The following MAP7 variants were observed in gnomAD, a reference collection of about 807,000 sequenced individuals.
The protein encoded by MAP7 is microtubule associated protein 7.
MAP7 carries 52 observed loss-of-function variants against 94.8 expected under a neutral mutation model. The observed-to-expected ratio is 0.55, with a 90% CI of 0.44 to 0.69. MAP7 has a LOEUF of 0.69. MAP7 is among the 30% of genes least tolerant of loss of function. The pLI, the probability that MAP7 is intolerant of heterozygous loss-of-function variation, is 0.00. For missense variants in MAP7, 940 were observed against 964.6 expected, an observed-to-expected ratio of 0.97 and a Z score of 0.34; for synonymous variants, 350 against 357.0, an observed-to-expected ratio of 0.98 and a Z score of 0.22.
Position 136,343,456 on chromosome 6 carries a change from A to G in MAP7, c.*772T>C, listed in dbSNP as rs1309297828. 6.5e-6 allele frequency: 1 copy of G among 152,680 alleles called. No homozygotes were observed. Among genetic ancestry groups the G allele is most frequent in the Non-Finnish European group, 1.5e-5 (1 of 68,048 alleles). The allele number at this position is 152,680 out of a possible 1,614,324, so 9.5% of individuals were successfully genotyped here. ...TCATCAGTAACATTCTATCGTGGTA[A>G]CATCAGAAGGAATGCAGCTAACAAA... On this transcript the variant is annotated 3_prime_UTR_variant, in exon 18 of 18. Coordinates refer to ENST00000354570, the MANE Select transcript of MAP7 (RefSeq NM_003980.6).
intron 1 of MAP7, among the ~76,000 whole-genome samples, chr6:136,511,009 A>G (rs1158424390): frequency 6.6e-6 from 1 of 152,148 alleles, no homozygotes; most frequent in Non-Finnish European, 1.5e-5. Context: ...AAGTCCCAGC[A>G]TAAACCCACA....
intron 6 of MAP7, among the ~76,000 whole-genome samples, chr6:136,382,807 CCAAT>C (rs1277342882): frequency 2.6e-5 from 4 of 152,148 alleles, no homozygotes; most frequent in African/African-American, 9.6e-5. Context: ...TGAAACTTTC[CCAAT>C]CAGTTTCTTA....
At chr6:136,420,020 C>T in intron 2 of MAP7, 2 of 823,870 alleles carry the variant, frequency 2.4e-6, no homozygotes, top group Admixed American at 1.7e-5. Context: ...TTAGCCACCA[C>T]CACTTGATGC....
chr6:136,390,185 A>C (rs1324023468), intron 3 of MAP7, among the ~76,000 whole-genome samples: 3 of 152,204 alleles, frequency 2.0e-5, no homozygotes, highest in African/African-American at 4.8e-5. Flanking sequence ...TCCTCATTTT[A>C]GGAAAAGATA....
chr6:136,469,532 C>T (rs1562437311), intron 1 of MAP7, among the ~76,000 whole-genome samples: 1 of 152,116 alleles, frequency 6.6e-6, no homozygotes, highest in Admixed American at 6.5e-5. Context: ...CAGGGGCATG[C>T]CACCATGCCC....
chr6:136,524,148 G>A (rs1041325842), intron 1 of MAP7, among the ~76,000 whole-genome samples: 4 of 152,078 alleles, frequency 2.6e-5, no homozygotes, highest in Non-Finnish European at 5.9e-5. Context: ...GGAGGCTGAG[G>A]CAGGAGAATT....
intron 7 of MAP7, 140 bp from the exon 8 acceptor site, chr6:136,372,765 G>A (rs1035009694): frequency 1.9e-4 from 191 of 1,013,626 alleles, no homozygotes; most frequent in Non-Finnish European, 1.9e-4. Flanking sequence ...GTAGGAAGAA[G>A]ATGTTATTAC....
At chr6:136,377,695 G>A (rs980530028) in intron 7 of MAP7, 60 bp downstream of exon 7, 14 of 1,255,462 alleles carry the variant, frequency 1.1e-5, no homozygotes, top group African/African-American at 2.9e-5. Flanking sequence ...GTGATTAGAC[G>A]AATATGCTTC....
chr6:136,435,088 T>C (rs1796022153), intron 1 of MAP7, among the ~76,000 whole-genome samples: 1 of 152,220 alleles, frequency 6.6e-6, no homozygotes, highest in East Asian at 1.9e-4. Flanking sequence ...CTAAATACTT[T>C]TAGAATGCAT....
intron 3 of MAP7, among the ~76,000 whole-genome samples, chr6:136,391,807 AC>A (rs1244061745): frequency 6.6e-6 from 1 of 152,234 alleles, no homozygotes; most frequent in African/African-American, 2.4e-5. Flanking sequence ...AGATGCACTT[AC>A]TTTGCTCACG....
chr6:136,409,432 T>C (rs550794234), intron 3 of MAP7, among the ~76,000 whole-genome samples: 1 of 152,336 alleles, frequency 6.6e-6, no homozygotes, highest in African/African-American at 2.4e-5. Flanking sequence ...GTATATCATA[T>C]ATTGGCTCAC....
chr6:136,471,020 C>T (rs1235503427), intron 1 of MAP7, among the ~76,000 whole-genome samples: 1 of 152,124 alleles, frequency 6.6e-6, no homozygotes, highest in African/African-American at 2.4e-5. Context: ...GTTTATCTAA[C>T]ATAAATGCTG....
intron 16 of MAP7, among the ~76,000 whole-genome samples, chr6:136,355,146 C>T (rs1444533219): frequency 1.3e-5 from 2 of 151,882 alleles, no homozygotes; most frequent in African/African-American, 4.8e-5. Context: ...CTGCATCCAG[C>T]TTGGGCAACA....
intron 1 of MAP7, among the ~76,000 whole-genome samples, chr6:136,546,361 A>G (rs879782653): frequency 1.4e-5 from 1 of 72,392 alleles, no homozygotes; most frequent in Non-Finnish European, 2.7e-5. Flanking sequence ...GCCACCTCCC[A>G]CCCCCTACCC....
chr6:136,483,907 A>C (rs1813761121), intron 1 of MAP7, among the ~76,000 whole-genome samples: 2 of 152,210 alleles, frequency 1.3e-5, no homozygotes. Context: ...AGATGGAATA[A>C]ATTGTCAGAT....
intron 1 of MAP7, among the ~76,000 whole-genome samples, chr6:136,539,957 C>T (rs1009277816): frequency 6.6e-6 from 1 of 152,106 alleles, no homozygotes; most frequent in East Asian, 1.9e-4. Context: ...CCAGCTTGGG[C>T]GACAGAGCGA....
At chr6:136,452,939 T>C (rs1192147581) in intron 1 of MAP7, among the ~76,000 whole-genome samples, 2 of 152,214 alleles carry the variant, frequency 1.3e-5, no homozygotes, top group African/African-American at 2.4e-5. Flanking sequence ...ATAATTTTTA[T>C]ATGCACTGGG....
chr6:136,363,529 A>G (rs1793442757), intron 10 of MAP7, among the ~76,000 whole-genome samples: 1 of 152,258 alleles, frequency 6.6e-6, no homozygotes, highest in African/African-American at 2.4e-5. Flanking sequence ...TTCCATGGAA[A>G]CAAATACTGG....
intron 3 of MAP7, among the ~76,000 whole-genome samples, chr6:136,403,709 G>T (rs1784805440): frequency 6.6e-6 from 1 of 152,124 alleles, no homozygotes; most frequent in South Asian, 2.1e-4. Flanking sequence ...AATTTGGGGA[G>T]AAAAAAATAA....
Sources: gnomAD v4.1 joint callset for allele counts (sites outside exome capture counted in the v4.1 genomes callset) on GRCh38, gnomAD v4.1.1 for gene constraint, MANE v1.5 for transcripts, NCBI Gene and HGNC (gene_info 2026-07-23, HGNC 2026-07-21) for gene names.